MRPS9: variants seen among roughly 807,000 people sequenced by gnomAD.
MRPS9 encodes mitochondrial ribosomal protein S9, also known as small ribosomal subunit protein uS9m.
Under a neutral mutation model 59.9 loss-of-function variants are expected in MRPS9, and 45 were observed. The ratio of observed to expected loss-of-function variants is 0.75; its 90% confidence interval spans 0.59 to 0.96. The LOEUF is 0.96. Ranked by LOEUF, MRPS9 falls within the 40% of genes least tolerant of loss-of-function variation. MRPS9 has a pLI of 0.00. For synonymous variants in MRPS9, 171 were observed against 166.8 expected (o/e 1.03, Z -0.19); for missense variants, 473 against 481.1 (o/e 0.98, Z 0.16).
intron 4 of MRPS9, among the ~76,000 whole-genome samples, chr2:105,073,444 T>G (rs1324960371): frequency 6.6e-6 from 1 of 152,158 alleles, no homozygotes; most frequent in African/African-American, 2.4e-5. Flanking sequence ...TAAAATTTTT[T>G]TGTTGCTTAC....
Position 105,079,983 on chromosome 2 carries a change from C to T in MRPS9, c.410C>T (p.Ala137Val), listed in dbSNP as rs998994032. 18 of 1,608,740 alleles carry T rather than the reference C, an allele frequency of 1.1e-5. No individual in the cohort carries two copies. Among genetic ancestry groups the T allele is most frequent in the Non-Finnish European group, 1.5e-5 (18 of 1,177,544 alleles). The stretch of plus-strand genomic sequence containing the variant: ...CTTTCATCTGGCTTTTTTAAATCAG[C>T]AATCCAGTGGGGAGAAGATGGCCGT... Reference protein sequence around the residue: ...HPEQIFPRQRAIQWGEDGRPF... With the variant: ...HPEQIFPRQRVIQWGEDGRPF... Residue 137 changes from alanine (A) to valine (V), a missense_variant and splice_region_variant, in exon 5 of 11, where the codon GCA (alanine) becomes GTA (valine). Transcript: ENST00000258455.
intron 5 of MRPS9, among the ~76,000 whole-genome samples, 159 bp from the exon 6 acceptor site, chr2:105,088,825 T>G (rs754214756): frequency 4.6e-5 from 7 of 152,150 alleles, no homozygotes; most frequent in Non-Finnish European, 1.0e-4. Context: ...AATAGTATTA[T>G]TAAAAGCATT....
intron 2 of MRPS9, among the ~76,000 whole-genome samples, chr2:105,069,719 A>C (rs1323300612): frequency 6.6e-6 from 1 of 152,078 alleles, no homozygotes. Flanking sequence ...TCCAAATGGC[A>C]ATCAGTTGCA....
At chr2:105,089,339 T>C (rs1008539488) in intron 6 of MRPS9, among the ~76,000 whole-genome samples, 2 of 152,354 alleles carry the variant, frequency 1.3e-5, no homozygotes, top group East Asian at 3.9e-4. Flanking sequence ...TTTATGTATA[T>C]AGCTGCACAT....
rs149715863 is a variant in MRPS9, at chr2:105,049,278, C to T, written c.243C>T (p.Phe81=). ...EDFIKKQIEE[F]NIGKRHLANM... Reference sequence around the variant, plus strand: ...TTATTAAAAAGCAGATTGAAGAGTTCAACATAGGAAAGAGACATTTAGCCA... The same window carrying T: ...TTATTAAAAAGCAGATTGAAGAGTTTAACATAGGAAAGAGACATTTAGCCA... The change falls in exon 2 of 11, where the codon TTC becomes TTT. Residue 81 remains phenylalanine, a synonymous_variant. Transcript: ENST00000258455. 8.1e-6 allele frequency: 13 copies of T among 1,612,816 alleles called. No homozygotes were observed. Among genetic ancestry groups the T allele is most frequent in the Middle Eastern group, 1.6e-4 (1 of 6,074 alleles).
chr2:105,049,796 C>T (rs113173498), intron 2 of MRPS9, among the ~76,000 whole-genome samples: 1,578 of 152,240 alleles, frequency 0.01, 24 homozygotes, highest in African/African-American at 0.036. Context: ...ATTCTATTCA[C>T]TCTTGAATTA....
In MRPS9 at chr2:105,046,814, AATC is replaced by A. The variant is rs747311004; in HGVS notation, c.136-2353_136-2351del. Among the ~76,000 whole-genome samples, 44 of 152,126 alleles carry A rather than the reference AATC, an allele frequency of 2.9e-4. 1 individual carries two copies. Among genetic ancestry groups the A allele is most frequent in the Non-Finnish European group, 5.3e-4 (36 of 67,954 alleles). On this transcript the variant is annotated intron_variant, in intron 1 of 10. Coordinates refer to ENST00000258455, the MANE Select transcript of MRPS9 (RefSeq NM_182640.3). ...TGTTATCTATAAAAACCAGCAGTGT[AATC>A]ATCCTTTTGGCAATGGAACATTTGG...
intron 5 of MRPS9, among the ~76,000 whole-genome samples, chr2:105,087,158 A>G (rs1248041392): frequency 6.6e-6 from 1 of 151,990 alleles, no homozygotes; most frequent in Non-Finnish European, 1.5e-5. Context: ...GTGGATATAT[A>G]CCCCTGTTTT....
chr2:105,099,405 G>A, intron 10 of MRPS9: 1 of 291,736 alleles, frequency 3.4e-6, no homozygotes, highest in South Asian at 6.8e-5. Context: ...AAAACCAAAA[G>A]GGAGCCATGA....
At position 105,089,923 on chromosome 2, in the gene MRPS9, C is replaced by A. The variant is rs770843495; in HGVS notation, c.579C>A (p.Asp193Glu). Residue 193 changes from aspartate (D) to glutamate (E), a missense_variant, in exon 7 of 11, where the codon GAC (aspartate) becomes GAA (glutamate). Transcript: ENST00000258455. ...SLLPEKTVTR[D>E]VIGSRWLIKE... ...AATATATGTGATATTTTAACAGAGA[C>A]GTGATTGGCAGCAGATGGCTGATTA... is the stretch of plus-strand genomic sequence containing the variant. 8 of 1,604,016 alleles carry A rather than the reference C, an allele frequency of 5.0e-6. No homozygotes were observed. Among genetic ancestry groups the A allele is most frequent in the South Asian group, 2.2e-5 (2 of 90,236 alleles).
intron 2 of MRPS9, among the ~76,000 whole-genome samples, chr2:105,070,100 A>G (rs1680087057): frequency 6.6e-6 from 1 of 152,092 alleles, no homozygotes; most frequent in African/African-American, 2.4e-5. Flanking sequence ...AGAGTTTGCT[A>G]AAGGGGCACA....
At chr2:105,092,705 A>G in intron 8 of MRPS9, 136 bp downstream of exon 8, 3 of 845,778 alleles carry the variant, frequency 3.5e-6, no homozygotes, top group Non-Finnish European at 5.1e-6. Context: ...TGGATTTCCT[A>G]ATTTTTAAGA....
rs59342889 is a variant in MRPS9 at position 105,051,682 on chromosome 2, C to A, written c.315+2332C>A. Among the ~76,000 whole-genome samples, 599 of 151,974 alleles carry A rather than the reference C, an allele frequency of 3.9e-3. 5 individuals carry two copies. The highest frequency in any genetic ancestry group is 0.014 in the African/African-American group (566 of 41,454). On this transcript the variant is annotated intron_variant, in intron 2 of 10. Transcript: ENST00000258455. ...TTCTGATCTCTGAACATGGGGTGTC[C>A]CTCTATAGATACAGATCCTTTTTAA...
At position 105,051,539 on chromosome 2, in the gene MRPS9, T is replaced by C. The variant is rs1417869098; in HGVS notation, c.315+2189T>C. Reference sequence around the variant, plus strand: ...GTTCTTTGCTCCTCGAATTTTCATATGAAATTTTAGGATCAGCTTGTCAGT... The same window carrying C: ...GTTCTTTGCTCCTCGAATTTTCATACGAAATTTTAGGATCAGCTTGTCAGT... On this transcript the variant is annotated intron_variant, in intron 2 of 10. Coordinates refer to ENST00000258455, the MANE Select transcript of MRPS9 (RefSeq NM_182640.3). 3.3e-5 allele frequency among the ~76,000 whole-genome samples: 5 copies of C among 152,216 alleles called. No homozygotes were observed. The East Asian group carries it at 9.6e-4, about 29-fold the overall frequency.
chr2:105,069,214 C>CTTT (rs11334093), intron 2 of MRPS9, among the ~76,000 whole-genome samples: 3 of 117,702 alleles, frequency 2.5e-5, no homozygotes, highest in Non-Finnish European at 3.6e-5. Flanking sequence ...ATTGGTCAAT[C>CTTT]TTTTTTTTTT....
intron 9 of MRPS9, among the ~76,000 whole-genome samples, chr2:105,094,768 T>C (rs576058560): frequency 5.3e-4 from 80 of 152,360 alleles, no homozygotes; most frequent in African/African-American, 1.9e-3. Context: ...ACCCCAGGGT[T>C]TGATAACTTC....
Position 105,099,942 on chromosome 2 carries a change from A to G in MRPS9, c.*181A>G. ...GTGACCTTTAAAAAATAAAAGGAAA[A>G]TAAAGAATGTTAGTTTCATTCTGCC... On this transcript the variant is annotated 3_prime_UTR_variant, in exon 11 of 11. Coordinates refer to ENST00000258455, the MANE Select transcript of MRPS9 (RefSeq NM_182640.3). 2 of 484,958 alleles carry G rather than the reference A, an allele frequency of 4.1e-6. No individual in the cohort carries two copies. Among genetic ancestry groups the G allele is most frequent in the Non-Finnish European group, 7.3e-6 (2 of 275,234 alleles). 30.0% of individuals were successfully genotyped at this position (484,958 alleles called of 1,614,324 possible). A position where few individuals can be genotyped will look rare whatever the true frequency, so the allele number is the denominator to read the frequency against.
chr2:105,079,476 G>A (rs1680286042), intron 4 of MRPS9, among the ~76,000 whole-genome samples: 1 of 152,076 alleles, frequency 6.6e-6, no homozygotes, highest in Non-Finnish European at 1.5e-5. Context: ...TTCTGTTGTT[G>A]ATGTTTTAAA....
intron 2 of MRPS9, among the ~76,000 whole-genome samples, chr2:105,055,914 A>G (rs1399269623): frequency 6.6e-6 from 1 of 152,192 alleles, no homozygotes; most frequent in Non-Finnish European, 1.5e-5. Flanking sequence ...GCTGTTACAT[A>G]TTTAGAAGTT....
Sources: gnomAD v4.1 joint callset for allele counts (sites outside exome capture counted in the v4.1 genomes callset) on GRCh38, gnomAD v4.1.1 for gene constraint, MANE v1.5 for transcripts, NCBI Gene and HGNC (gene_info 2026-07-23, HGNC 2026-07-21) for gene names.